The following PTPRM variants were observed in gnomAD, a reference collection of about 807,000 sequenced individuals.
PTPRM encodes receptor-type tyrosine-protein phosphatase mu.
Under a neutral mutation model 186.7 loss-of-function variants are expected in PTPRM, and 47 were observed. The ratio of observed to expected loss-of-function variants is 0.25; its 90% CI spans 0.20 to 0.32. The LOEUF (loss-of-function observed/expected upper bound fraction) is 0.32, where lower values mean the gene tolerates loss of function less well. Ranked by LOEUF, PTPRM falls within the 10% of genes least tolerant of loss-of-function variation. PTPRM has a pLI of 1.00. For synonymous variants in PTPRM, 668 were observed against 674.9 expected (o/e 0.99, Z 0.16); for missense variants, 1,494 against 1,865.0 (o/e 0.80, Z 3.66).
chr18:8,209,580 T>C (rs1365787993), intron 14 of PTPRM, among the ~76,000 whole-genome samples: 1 of 152,100 alleles, frequency 6.6e-6, no homozygotes, highest in Non-Finnish European at 1.5e-5. Flanking sequence ...GATTTAATTG[T>C]GTCCCCCCAA....
At chr18:8,151,026 G>A (rs560097997) in intron 14 of PTPRM, among the ~76,000 whole-genome samples, 4 of 152,260 alleles carry the variant, frequency 2.6e-5, no homozygotes, top group African/African-American at 4.8e-5. Context: ...GGGCAACCAC[G>A]AGATGCCGCT....
intron 1 of PTPRM, among the ~76,000 whole-genome samples, chr18:7,674,147 A>G (rs1456113087): frequency 6.6e-6 from 1 of 152,142 alleles, no homozygotes; most frequent in East Asian, 1.9e-4. Flanking sequence ...TTGCCTGCAC[A>G]TTGGAGCCAC....
At chr18:8,003,065 C>T (rs1348655799) in intron 7 of PTPRM, among the ~76,000 whole-genome samples, 1 of 152,138 alleles carries the variant, frequency 6.6e-6, no homozygotes, top group Admixed American at 6.5e-5. Flanking sequence ...CTCATTTTGC[C>T]ATGGCTGAGA....
chr18:7,654,577 A>G (rs949940707), intron 1 of PTPRM, among the ~76,000 whole-genome samples: 1 of 152,056 alleles, frequency 6.6e-6, no homozygotes, highest in Non-Finnish European at 1.5e-5. Flanking sequence ...CAGGGTTTTT[A>G]TAGTTTTGAG....
chr18:8,212,937 C>T (rs1194289363), intron 14 of PTPRM, among the ~76,000 whole-genome samples: 1 of 152,184 alleles, frequency 6.6e-6, no homozygotes, highest in Non-Finnish European at 1.5e-5. Context: ...TCCTAGCCAC[C>T]TTTAGGCCAA....
intron 1 of PTPRM, among the ~76,000 whole-genome samples, chr18:7,642,058 A>C (rs147457194): frequency 9.8e-5 from 15 of 152,326 alleles, no homozygotes; most frequent in African/African-American, 3.6e-4. Context: ...CTTCCGTGGC[A>C]GACCTTGTCC....
intron 11 of PTPRM, among the ~76,000 whole-genome samples, chr18:8,108,465 A>G (rs1392725327): frequency 1.3e-5 from 2 of 152,190 alleles, no homozygotes; most frequent in Non-Finnish European, 2.9e-5. Flanking sequence ...GATAACAAAA[A>G]TGGATTTACA....
chr18:7,814,666 A>C (rs1296710732), intron 2 of PTPRM: 1 of 152,234 alleles, frequency 6.6e-6, no homozygotes, highest in Non-Finnish European at 1.5e-5. Flanking sequence ...TGCTTAAGCC[A>C]GAAACTGGGG....
chr18:8,394,422 A>G lies in PTPRM; in HGVS notation c.4209-54A>G, dbSNP rs113706447. On this transcript the variant is annotated intron_variant, in intron 31 of 32. Coordinates refer to ENST00000580170, the MANE Select transcript of PTPRM (RefSeq NM_001105244.2). ...ACAGCTTGTTTCCACAGGTGTTTGCAAGATGCAGTGTAAAGACAGACCGAG... is the reference window on the plus strand; with the variant it reads ...ACAGCTTGTTTCCACAGGTGTTTGCGAGATGCAGTGTAAAGACAGACCGAG... 1,629 of 1,528,824 alleles carry G rather than the reference A, an allele frequency of 1.1e-3. 15 individuals are homozygous for G. The African/African-American group carries it at 0.019, about 18-fold the overall frequency. 94.7% of individuals were successfully genotyped at this position (1,528,824 alleles called of 1,614,324 possible). A position where few individuals can be genotyped will look rare whatever the true frequency, so the allele number is the denominator to read the frequency against.
rs2086167067 is a variant in PTPRM, at chr18:8,033,990, C to G, written c.1133-35696C>G. The stretch of plus-strand genomic sequence containing the variant: ...GGTTCATTGGTTTCATCACTCCAGT[C>G]TCTGCCTCCATCTTCATGTGGCCTT... On this transcript the variant is annotated intron_variant, in intron 7 of 32. Coordinates refer to ENST00000580170, the MANE Select transcript of PTPRM (RefSeq NM_001105244.2). Among the ~76,000 whole-genome samples, 2 of 152,132 alleles carry G rather than the reference C, an allele frequency of 1.3e-5. 1 individual carries two copies. The highest frequency in any genetic ancestry group is 4.1e-4 in the South Asian group (2 of 4,826).
chr18:8,269,972 CA>C (rs1292782739), intron 19 of PTPRM: 2 of 151,914 alleles, frequency 1.3e-5, no homozygotes, highest in Non-Finnish European at 2.9e-5. Context: ...TTGGTCTTGG[CA>C]ATGTTTTTTT....
chr18:7,631,060 C>G (rs1462166600), intron 1 of PTPRM, among the ~76,000 whole-genome samples: 1 of 152,010 alleles, frequency 6.6e-6, no homozygotes, highest in Non-Finnish European at 1.5e-5. Flanking sequence ...AAACATTTTC[C>G]CTCATCCTGA....
intron 7 of PTPRM, among the ~76,000 whole-genome samples, chr18:7,974,953 A>G (rs868146620): frequency 6.6e-6 from 1 of 152,202 alleles, no homozygotes; most frequent in South Asian, 2.1e-4. Flanking sequence ...CTTCTATCCC[A>G]TGTTTATCAT....
intron 14 of PTPRM, among the ~76,000 whole-genome samples, chr18:8,170,298 A>G (rs78982371): frequency 6.6e-6 from 1 of 152,292 alleles, no homozygotes; most frequent in African/African-American, 2.4e-5. Flanking sequence ...AAATCTAGAG[A>G]AAGTTCTCAG....
intron 13 of PTPRM, among the ~76,000 whole-genome samples, chr18:8,142,719 C>A (rs1402821166): frequency 1.3e-5 from 2 of 152,198 alleles, no homozygotes; most frequent in Non-Finnish European, 2.9e-5. Flanking sequence ...TCGGAATGAC[C>A]TGTCACCTAG....
At chr18:7,826,363 TC>T (rs2045484042) in intron 2 of PTPRM, among the ~76,000 whole-genome samples, 1 of 152,242 alleles carries the variant, frequency 6.6e-6, no homozygotes, top group African/African-American at 2.4e-5. Flanking sequence ...GGCTTGCTCT[TC>T]CCGTACAGCA....
chr18:8,010,062 C>T (rs1347539854), intron 7 of PTPRM, among the ~76,000 whole-genome samples: 1 of 152,100 alleles, frequency 6.6e-6, no homozygotes, highest in Non-Finnish European at 1.5e-5. Context: ...GTATCTGTTC[C>T]ATCCTGAAAT....
intron 19 of PTPRM, among the ~76,000 whole-genome samples, chr18:8,260,851 C>T (rs543481195): frequency 2.0e-5 from 3 of 152,324 alleles, no homozygotes; most frequent in African/African-American, 7.2e-5. Context: ...GAAGGCGCCC[C>T]GGGCATCTGG....
At chr18:7,927,647 C>T (rs558947782) in intron 5 of PTPRM, among the ~76,000 whole-genome samples, 5 of 152,208 alleles carry the variant, frequency 3.3e-5, no homozygotes, top group East Asian at 3.9e-4. Context: ...TGTCATGCCT[C>T]GCAGTGTAAT....
Sources: allele counts gnomAD v4.1 joint callset (sites outside exome capture counted in the v4.1 genomes callset), GRCh38; gene constraint gnomAD v4.1.1; transcripts MANE v1.5; gene names NCBI Gene and HGNC (gene_info 2026-07-23, HGNC 2026-07-21).